The following XPA variants were observed in gnomAD, a reference collection of about 807,000 sequenced individuals.
XPA encodes XPA, DNA damage recognition and repair factor.
Under a neutral mutation model 35.7 loss-of-function variants are expected in XPA, and 27 were observed. That is an observed-to-expected ratio of 0.76 (90% CI 0.56 to 1.04). The LOEUF (loss-of-function observed/expected upper bound fraction) is 1.04, where lower values mean the gene tolerates loss of function less well. XPA is among the 50% of genes least tolerant of loss of function. The pLI, the probability that XPA is intolerant of heterozygous loss-of-function variation, is 0.00. For missense variants in XPA, 354 were observed against 342.7 expected (o/e 1.03, Z -0.26); for synonymous variants, 133 against 118.4 (o/e 1.12, Z -0.80).
the XPA span, chr9:97,662,124 C>T: frequency 8.1e-6 from 13 of 1,613,340 alleles, no homozygotes; most frequent in Non-Finnish European, 1.1e-5. Context: ...CATTCAGCCA[C>T]TCCTTCAGTG....
the XPA span, among the ~76,000 whole-genome samples, chr9:97,657,912 A>C: frequency 0.11 from 10,778 of 101,314 alleles, 560 homozygotes; most frequent in East Asian, 0.22. Flanking sequence ...CTCTCTATAT[A>C]TATATATATA....
At chr9:97,695,602 C>A (rs758824862) in intron 1 of XPA, among the ~76,000 whole-genome samples, 1 of 152,156 alleles carries the variant, frequency 6.6e-6, no homozygotes, top group Non-Finnish European at 1.5e-5. Flanking sequence ...TAACTCATGC[C>A]CAAAACAAAG....
At chr9:97,691,956 T>C (rs1828904974) in intron 2 of XPA, among the ~76,000 whole-genome samples, 1 of 150,166 alleles carries the variant, frequency 6.7e-6, no homozygotes, top group Non-Finnish European at 1.5e-5. Context: ...TTAGGCTGAA[T>C]GCTCCAACTC....
the XPA span, chr9:97,666,832 A>G: frequency 6.8e-6 from 11 of 1,610,740 alleles, no homozygotes; most frequent in South Asian, 3.3e-5. Flanking sequence ...AGATCCAGAA[A>G]GAGCTGGAAG....
chr9:97,655,845 TATTTA>T, the XPA span: 2 of 1,421,272 alleles, frequency 1.4e-6, no homozygotes, highest in Non-Finnish European at 1.9e-6. Context: ...GTGTCTGAAA[TATTTA>T]ATTTCTTGGA....
the XPA span, chr9:97,655,917 TG>T: frequency 6.5e-6 from 9 of 1,378,210 alleles, no homozygotes; most frequent in African/African-American, 1.5e-5. Flanking sequence ...TAACAAAACT[TG>T]TAAGTTGTTA....
chr9:97,655,822 CTG>C, the XPA span: 180 of 1,487,750 alleles, frequency 1.2e-4, 1 homozygote, highest in African/African-American at 2.3e-3. Context: ...ATGTTTAAAA[CTG>C]TAACATAAAA....
the XPA span, chr9:97,662,991 G>A: frequency 6.2e-7 from 1 of 1,613,246 alleles, no homozygotes; most frequent in Non-Finnish European, 8.5e-7. Context: ...TGAAAGTGAT[G>A]AAGGAAAGTT....
Position 97,675,326 on chromosome 9 carries a change from G to C in XPA, c.*113C>G. The stretch of plus-strand genomic sequence containing the variant: ...TTACTGAAGTATTACTTATACAAGG[G>C]TTTCATTCATCTATGAAGATGTTGC... On this transcript the variant is annotated 3_prime_UTR_variant, in exon 6 of 6. Transcript: ENST00000375128. 2 of 1,153,366 alleles carry C rather than the reference G, an allele frequency of 1.7e-6. No individual in the cohort carries two copies. Among genetic ancestry groups the C allele is most frequent in the Non-Finnish European group, 2.5e-6 (2 of 814,634 alleles). 71.4% of individuals were successfully genotyped at this position (1,153,366 alleles called of 1,614,324 possible). A position where few individuals can be genotyped will look rare whatever the true frequency, so the allele number is the denominator to read the frequency against.
At chr9:97,669,546 A>G in the XPA span, 5 of 1,361,940 alleles carry the variant, frequency 3.7e-6, no homozygotes, top group South Asian at 1.2e-5. Flanking sequence ...TTTCCAAAGT[A>G]TAAGATTCTG....
At chr9:97,683,717 T>C (rs1828619214) in intron 5 of XPA, among the ~76,000 whole-genome samples, 1 of 152,212 alleles carries the variant, frequency 6.6e-6, no homozygotes, top group Non-Finnish European at 1.5e-5. Flanking sequence ...GCACTGTAAC[T>C]GAATTACACT....
the XPA span, among the ~76,000 whole-genome samples, chr9:97,658,339 TA>T: frequency 6.6e-6 from 1 of 152,340 alleles, no homozygotes; most frequent in East Asian, 1.9e-4. Context: ...TGATAGAATA[TA>T]GCCAGTTTCC....
At position 97,675,161 on chromosome 9, in the gene XPA, A is replaced by G. The variant is rs3176753; in HGVS notation, c.*278T>C. On this transcript the variant is annotated 3_prime_UTR_variant, in exon 6 of 6. Coordinates refer to ENST00000375128, the MANE Select transcript of XPA (RefSeq NM_000380.4). Reference sequence around the variant, plus strand: ...TATCTTGTCCTCAAATTTGTAGCTGACCTACCACTTCTGCACCTACTCTAG... The same window carrying G: ...TATCTTGTCCTCAAATTTGTAGCTGGCCTACCACTTCTGCACCTACTCTAG... The G allele has an allele frequency of 0.015, 8,819 of 582,410 alleles. 584 individuals are homozygous for G. Among genetic ancestry groups the G allele is most frequent in the African/African-American group, 0.14 (7,793 of 55,310 alleles). 36.1% of individuals were successfully genotyped at this position (582,410 alleles called of 1,614,324 possible). A position where few individuals can be genotyped will look rare whatever the true frequency, so the allele number is the denominator to read the frequency against.
chr9:97,663,657 G>C, the XPA span, among the ~76,000 whole-genome samples: 3 of 151,534 alleles, frequency 2.0e-5, no homozygotes, highest in Non-Finnish European at 1.5e-5. Context: ...GCTGATTTTT[G>C]TATTTTTAGT....
chr9:97,657,503 T>C, the XPA span, among the ~76,000 whole-genome samples: 1 of 152,222 alleles, frequency 6.6e-6, no homozygotes, highest in African/African-American at 2.4e-5. Context: ...GTGATGTTAA[T>C]CCTGATCCAC....
chr9:97,671,201 G>T, downstream of XPA: 2 of 1,579,592 alleles, frequency 1.3e-6, no homozygotes, highest in East Asian at 2.2e-5. Flanking sequence ...CAGGCCTAAG[G>T]GTCATTTTTT....
At chr9:97,692,372 T>A (rs888632360) in intron 2 of XPA, among the ~76,000 whole-genome samples, 1 of 152,160 alleles carries the variant, frequency 6.6e-6, no homozygotes, top group Admixed American at 6.5e-5. Context: ...TGCCTTCCCT[T>A]ACCTCCTTCA....
At chr9:97,676,009 C>T (rs1257050265) in intron 5 of XPA, 3 of 199,150 alleles carry the variant, frequency 1.5e-5, no homozygotes, top group South Asian at 1.7e-4. Context: ...TTAGGAGCTA[C>T]GTCAATAAGC....
At chr9:97,662,629 T>A in the XPA span, among the ~76,000 whole-genome samples, 1 of 152,224 alleles carries the variant, frequency 6.6e-6, no homozygotes, top group South Asian at 2.1e-4. Flanking sequence ...TCTCCAAGGC[T>A]TTATATTACT....
Sources: allele counts gnomAD v4.1 joint callset (sites outside exome capture counted in the v4.1 genomes callset), GRCh38; gene constraint gnomAD v4.1.1; transcripts MANE v1.5; gene names NCBI Gene and HGNC (gene_info 2026-07-23, HGNC 2026-07-21).